Variants in MACROD2 observed in about 807,000 individuals in gnomAD.
MACROD2 encodes the protein ADP-ribose glycohydrolase MACROD2.
MACROD2 carries 36 observed loss-of-function variants against 70.4 expected under a neutral mutation model. That is an observed-to-expected ratio of 0.51 (90% confidence interval 0.39 to 0.68). MACROD2 has a LOEUF of 0.68. Ranked by LOEUF, MACROD2 falls within the 30% of genes least tolerant of loss-of-function variation. MACROD2 has a pLI of 0.00. For synonymous variants in MACROD2, 172 were observed against 178.8 expected (o/e 0.96, Z 0.30); for missense variants, 496 against 538.4 (o/e 0.92, Z 0.78).
intron 4 of MACROD2, among the ~76,000 whole-genome samples, chr20:14,611,099 T>C (rs997879368): frequency 2.0e-5 from 3 of 152,138 alleles, no homozygotes; most frequent in African/African-American, 7.2e-5. Context: ...CAGTATATGG[T>C]ATGGTGGTTA....
rs2076943944 is a variant in MACROD2, at chr20:15,229,814, T to G, written c.419-126T>G. The G allele has an allele frequency of 5.3e-6, 5 of 944,680 alleles. No individual in the cohort carries two copies. The South Asian group carries it at 1.7e-4, about 31-fold the overall frequency. 58.5% of individuals were successfully genotyped at this position (944,680 alleles called of 1,614,324 possible). A position where few individuals can be genotyped will look rare whatever the true frequency, so the allele number is the denominator to read the frequency against. ...ACCAGAGAAATATTTGCGTCGCCAATGTATTGCTTAGCTTGCTTGTCTCCA... is the reference window on the plus strand; with the variant it reads ...ACCAGAGAAATATTTGCGTCGCCAAGGTATTGCTTAGCTTGCTTGTCTCCA... On this transcript the variant is annotated intron_variant, in intron 5 of 17. Transcript: ENST00000684519.
At position 13,995,832 on chromosome 20, in the gene MACROD2, G is replaced by C; in HGVS notation, c.46+23G>C. 6.4e-7 allele frequency: 1 copy of C among 1,568,356 alleles called. No homozygotes were observed. Among genetic ancestry groups the C allele is most frequent in the Non-Finnish European group, 8.6e-7 (1 of 1,156,080 alleles). On this transcript the variant is annotated intron_variant, in intron 1 of 17. Coordinates refer to ENST00000684519, the MANE Select transcript of MACROD2 (RefSeq NM_001351661.2). The surrounding 1 kb of genome is among the most constrained non-coding windows in gnomAD (Gnocchi z 4.3). ...AAGGTAACCGGCCCGTCGAGTCCTG[G>C]GGGTGCGGGCGGTGGGGGTTAGGGT...
chr20:15,657,047 A>T (rs2049741921), intron 8 of MACROD2, among the ~76,000 whole-genome samples: 1 of 151,600 alleles, frequency 6.6e-6, no homozygotes, highest in Non-Finnish European at 1.5e-5. Context: ...AAGGAGAAAG[A>T]AGGAAGGAAA....
chr20:15,323,702 A>G (rs2077896660), intron 6 of MACROD2, among the ~76,000 whole-genome samples: 1 of 151,994 alleles, frequency 6.6e-6, no homozygotes, highest in Non-Finnish European at 1.5e-5. Context: ...GGTTGATTCT[A>G]CTTCTTGTGT....
chr20:15,705,876 A>G (rs6514600), intron 8 of MACROD2, among the ~76,000 whole-genome samples: 40,288 of 152,150 alleles, frequency 0.26, 6,665 homozygotes, highest in African/African-American at 0.48. Flanking sequence ...TAACTTTTCC[A>G]TAAATGAATA....
chr20:15,201,054 GTGC>G lies in MACROD2; in HGVS notation c.419-28871_419-28869del, dbSNP rs770774308. On this transcript the variant is annotated intron_variant, in intron 5 of 17. Coordinates refer to ENST00000684519, the MANE Select transcript of MACROD2 (RefSeq NM_001351661.2). ...TTTCGAATTCCCAACCACCTCCCAG[GTGC>G]TGCTGCTGCTGCTGATCTGCAAACC... Among the ~76,000 whole-genome samples the G allele has an allele frequency of 2.0e-5, 3 of 152,150 alleles. No individual in the cohort carries two copies. The East Asian group carries it at 5.8e-4, about 29-fold the overall frequency.
chr20:14,194,703 A>G (rs772248971), intron 3 of MACROD2, among the ~76,000 whole-genome samples: 11 of 152,204 alleles, frequency 7.2e-5, no homozygotes, highest in African/African-American at 2.2e-4. Flanking sequence ...ACTGAGCAAT[A>G]AAACTCTTGG....
chr20:15,939,415 C>A (rs1159731492), intron 12 of MACROD2, among the ~76,000 whole-genome samples: 1 of 152,128 alleles, frequency 6.6e-6, no homozygotes, highest in Non-Finnish European at 1.5e-5. Flanking sequence ...AAGTCTACCC[C>A]ACCTGTGCTC....
At chr20:15,172,087 TC>T (rs1186000588) in intron 5 of MACROD2, among the ~76,000 whole-genome samples, 2 of 152,216 alleles carry the variant, frequency 1.3e-5, no homozygotes, top group African/African-American at 4.8e-5. Flanking sequence ...CAAGATGGTT[TC>T]CCATTTTGAT....
chr20:15,785,160 A>T (rs1568559795), intron 8 of MACROD2, among the ~76,000 whole-genome samples: 1 of 152,000 alleles, frequency 6.6e-6, no homozygotes, highest in East Asian at 1.9e-4. Context: ...TCAAAAAAAA[A>T]AAAAAAAAAA....
chr20:15,725,642 A>T (rs2050850562), intron 8 of MACROD2, among the ~76,000 whole-genome samples: 1 of 152,136 alleles, frequency 6.6e-6, no homozygotes, highest in South Asian at 2.1e-4. Context: ...AAGAGGGAAT[A>T]TTCTTGTCTC....
chr20:15,133,675 A>G (rs563216304), intron 5 of MACROD2, among the ~76,000 whole-genome samples: 1 of 152,244 alleles, frequency 6.6e-6, no homozygotes, highest in South Asian at 2.1e-4. Flanking sequence ...CCCTCAGCAA[A>G]TACTTGGAGA....
In MACROD2 at chr20:15,942,660, G is replaced by A. The variant is rs532947304; in HGVS notation, c.907+5116G>A. Among the ~76,000 whole-genome samples the A allele has an allele frequency of 2.6e-5, 4 of 152,260 alleles. No homozygotes were observed. In the South Asian group the frequency reaches 8.3e-4, roughly 32 times the overall value. Reference sequence around the variant, plus strand: ...GGGCATATAAACACAGGAATGTCAAGTACTCCAGATGAAACTTTTACAAAG... The same window carrying A: ...GGGCATATAAACACAGGAATGTCAAATACTCCAGATGAAACTTTTACAAAG... On this transcript the variant is annotated intron_variant, in intron 12 of 17. Coordinates refer to ENST00000684519, the MANE Select transcript of MACROD2 (RefSeq NM_001351661.2).
At chr20:14,468,389 T>C (rs370794526) in intron 3 of MACROD2, among the ~76,000 whole-genome samples, 20 of 152,002 alleles carry the variant, frequency 1.3e-4, no homozygotes, top group African/African-American at 4.8e-4. Flanking sequence ...TTTTCTGATC[T>C]TTCTTCGTTT....
At chr20:15,091,019 C>T (rs1186565563) in intron 5 of MACROD2, among the ~76,000 whole-genome samples, 1 of 151,906 alleles carries the variant, frequency 6.6e-6, no homozygotes, top group Non-Finnish European at 1.5e-5. Flanking sequence ...CTTCCCTCCC[C>T]ACCCACCTCC....
intron 8 of MACROD2, among the ~76,000 whole-genome samples, chr20:15,816,980 CA>C (rs199649863): frequency 2.0e-5 from 3 of 150,158 alleles, no homozygotes; most frequent in Non-Finnish European, 4.4e-5. Context: ...TGTCCACGCA[CA>C]AAAAAAAACG....
Position 15,910,398 on chromosome 20 carries a change from G to A in MACROD2, c.776-22878G>A, listed in dbSNP as rs1325249096. Among the ~76,000 whole-genome samples the A allele has an allele frequency of 3.3e-4, 22 of 67,490 alleles. 1 individual carries two copies. Among genetic ancestry groups the A allele is most frequent in the Non-Finnish European group, 8.3e-4 (19 of 22,782 alleles). 44.3% of individuals were successfully genotyped at this position (67,490 alleles called of 152,430 possible). A position where few individuals can be genotyped will look rare whatever the true frequency, so the allele number is the denominator to read the frequency against. The stretch of plus-strand genomic sequence containing the variant: ...GATGTGGCCAAGTCAGAGGACATGT[G>A]TGTGTGTGTGTGTGTGTGTGTGTGT... On this transcript the variant is annotated intron_variant, in intron 10 of 17. Transcript: ENST00000684519.
At chr20:14,053,657 G>C (rs1418358023) in intron 2 of MACROD2, 9 of 152,040 alleles carry the variant, frequency 5.9e-5, no homozygotes, top group African/African-American at 1.7e-4. Context: ...GTGGGTTTTT[G>C]TCAATAAATA....
chr20:14,331,120 G>A (rs1568561898), intron 3 of MACROD2, among the ~76,000 whole-genome samples: 1 of 151,994 alleles, frequency 6.6e-6, no homozygotes, highest in Non-Finnish European at 1.5e-5. Context: ...TGATGAATCC[G>A]CTGATTGGGG....
Sources: allele counts gnomAD v4.1 joint callset (sites outside exome capture counted in the v4.1 genomes callset), GRCh38; gene constraint gnomAD v4.1.1; non-coding constraint Gnocchi (gnomAD v3.1); transcripts MANE v1.5; gene names NCBI Gene and HGNC (gene_info 2026-07-23, HGNC 2026-07-21).